The following SLC24A3 variants were observed in gnomAD, a reference collection of about 807,000 sequenced individuals.
SLC24A3 encodes the protein solute carrier family 24 member 3, also known as sodium/potassium/calcium exchanger 3.
Under a neutral mutation model 75.8 loss-of-function variants are expected in SLC24A3, and 28 were observed. That is an observed-to-expected ratio of 0.37 (90% CI 0.27 to 0.51). The LOEUF (loss-of-function observed/expected upper bound fraction) is 0.51, where lower values mean the gene tolerates loss of function less well. Among genes scored for constraint, SLC24A3 ranks in the 20% least tolerant of loss-of-function variants. The pLI is 0.94. For synonymous variants in SLC24A3, 372 were observed against 334.1 expected, an observed-to-expected ratio of 1.11 and a Z score of -1.24; for missense variants, 663 against 847.8, an observed-to-expected ratio of 0.78 and a Z score of 2.71.
At chr20:19,572,480 T>C (rs144417372) in intron 3 of SLC24A3, among the ~76,000 whole-genome samples, 163 of 152,352 alleles carry the variant, frequency 1.1e-3, no homozygotes, top group Middle Eastern at 0.01. Flanking sequence ...GGGGTACTGA[T>C]ATGCCAACTC....
chr20:19,413,063 T>G (rs1198000477), intron 2 of SLC24A3, among the ~76,000 whole-genome samples: 2 of 152,206 alleles, frequency 1.3e-5, no homozygotes, highest in Admixed American at 1.3e-4. Flanking sequence ...ACTGGGACAC[T>G]TCTAGGATCT....
chr20:19,360,335 C>T, intron 2 of SLC24A3, among the ~76,000 whole-genome samples: 1 of 152,240 alleles, frequency 6.6e-6, no homozygotes, highest in South Asian at 2.1e-4. Flanking sequence ...AATGCCTCCA[C>T]ATCTGGGCCT....
intron 1 of SLC24A3, among the ~76,000 whole-genome samples, chr20:19,219,785 C>A (rs1568560641): frequency 6.6e-6 from 1 of 152,142 alleles, no homozygotes. Context: ...TTCTCAATAT[C>A]AGGTTGGTAG....
chr20:19,305,703 G>A (rs1251782116), intron 2 of SLC24A3, among the ~76,000 whole-genome samples: 1 of 152,152 alleles, frequency 6.6e-6, no homozygotes, highest in African/African-American at 2.4e-5. Context: ...CCAGCCACAT[G>A]CAGAAGAATG....
At chr20:19,567,010 A>C (rs987691822) in intron 3 of SLC24A3, among the ~76,000 whole-genome samples, 3 of 152,228 alleles carry the variant, frequency 2.0e-5, no homozygotes, top group Admixed American at 2.0e-4. Flanking sequence ...AAAAAATAAT[A>C]GTTGCTGACA....
chr20:19,565,926 A>T (rs2030950208), intron 3 of SLC24A3, among the ~76,000 whole-genome samples: 1 of 152,186 alleles, frequency 6.6e-6, no homozygotes, highest in South Asian at 2.1e-4. Flanking sequence ...TCATCTGTGA[A>T]TCAGAGATTC....
At chr20:19,300,290 C>A (rs547495131) in intron 2 of SLC24A3, among the ~76,000 whole-genome samples, 33 of 152,270 alleles carry the variant, frequency 2.2e-4, no homozygotes, top group African/African-American at 7.2e-4. Context: ...AGCTTCCACC[C>A]AGCTCTCTCC....
At chr20:19,611,874 C>T (rs1050081798) in intron 6 of SLC24A3, among the ~76,000 whole-genome samples, 6 of 152,194 alleles carry the variant, frequency 3.9e-5, no homozygotes, top group Middle Eastern at 3.2e-3. Flanking sequence ...CAGCCTTTGG[C>T]GCACTTGTTC....
At chr20:19,309,819 T>G (rs1182786071) in intron 2 of SLC24A3, among the ~76,000 whole-genome samples, 1 of 142,238 alleles carries the variant, frequency 7.0e-6, no homozygotes, top group Non-Finnish European at 1.5e-5. Flanking sequence ...AATCATCATT[T>G]GGGGGAATGT....
intron 6 of SLC24A3, among the ~76,000 whole-genome samples, chr20:19,586,564 C>T (rs746161183): frequency 5.3e-5 from 8 of 152,160 alleles, no homozygotes; most frequent in African/African-American, 9.7e-5. Context: ...CCCACAGCAG[C>T]GGCAAGGGGC....
intron 2 of SLC24A3, among the ~76,000 whole-genome samples, chr20:19,322,196 A>G (rs569676733): frequency 2.0e-5 from 3 of 152,192 alleles, no homozygotes; most frequent in African/African-American, 7.2e-5. Flanking sequence ...TGGCTTTAGT[A>G]TCCTTGGATC....
At chr20:19,595,836 C>G (rs761740788) in intron 6 of SLC24A3, among the ~76,000 whole-genome samples, 1 of 152,034 alleles carries the variant, frequency 6.6e-6, no homozygotes, top group African/African-American at 2.4e-5. Context: ...ACAGCTTTAG[C>G]GAGGGTGATC....
At chr20:19,685,481 CTA>C (rs2032665796) in intron 12 of SLC24A3, 120 bp downstream of exon 12, 1 of 1,455,596 alleles carries the variant, frequency 6.9e-7, no homozygotes, top group Non-Finnish European at 9.3e-7. Flanking sequence ...GAACATGAGA[CTA>C]TGTATATCAA....
intron 3 of SLC24A3, among the ~76,000 whole-genome samples, chr20:19,541,265 G>A (rs557257564): frequency 2.6e-5 from 4 of 152,240 alleles, no homozygotes; most frequent in African/African-American, 9.6e-5. Flanking sequence ...GGCAGCGGCT[G>A]CAGCGGGGAG....
chr20:19,365,123 C>T (rs1401856123), intron 2 of SLC24A3, among the ~76,000 whole-genome samples: 3 of 152,084 alleles, frequency 2.0e-5, no homozygotes, highest in South Asian at 2.1e-4. Flanking sequence ...CACTTTGTAC[C>T]GTTATACAAG....
At chr20:19,435,479 T>G (rs1987182337) in intron 2 of SLC24A3, among the ~76,000 whole-genome samples, 1 of 152,242 alleles carries the variant, frequency 6.6e-6, no homozygotes, top group Non-Finnish European at 1.5e-5. Context: ...TGGAAGGAGA[T>G]TCATCTGCCC....
At chr20:19,701,269 A>C (rs1293467179) in intron 15 of SLC24A3, among the ~76,000 whole-genome samples, 2 of 152,066 alleles carry the variant, frequency 1.3e-5, no homozygotes, top group African/African-American at 2.4e-5. Context: ...GTTACCTTTC[A>C]TGAATTAGAG....
At chr20:19,547,957 AT>A (rs2030628225) in intron 3 of SLC24A3, among the ~76,000 whole-genome samples, 2 of 152,172 alleles carry the variant, frequency 1.3e-5, no homozygotes, top group Non-Finnish European at 2.9e-5. Context: ...ACAGTCCAGG[AT>A]TTTTTCCCCC....
Position 19,684,347 on chromosome 20 carries a change from A to G in SLC24A3, c.1062+11A>G. Reference sequence around the variant, plus strand: ...ATGTTGATCAATGAGGTACCTGGGAAAGCACTGTCCACTGCCCACTGGACA... The same window carrying G: ...ATGTTGATCAATGAGGTACCTGGGAGAGCACTGTCCACTGCCCACTGGACA... On this transcript the variant is annotated intron_variant, in intron 11 of 16. Coordinates refer to ENST00000328041, the MANE Select transcript of SLC24A3 (RefSeq NM_020689.4). The G allele has an allele frequency of 6.2e-7, 1 of 1,611,634 alleles. No homozygotes were observed. Among genetic ancestry groups the G allele is most frequent in the Non-Finnish European group, 8.5e-7 (1 of 1,178,684 alleles).
Sources: allele counts gnomAD v4.1 joint callset (sites outside exome capture counted in the v4.1 genomes callset), GRCh38; gene constraint gnomAD v4.1.1; transcripts MANE v1.5; gene names NCBI Gene and HGNC (gene_info 2026-07-23, HGNC 2026-07-21).